Variants in CSMD1 observed in about 807,000 individuals in gnomAD.
The protein encoded by CSMD1 is CUB and Sushi multiple domains 1.
CSMD1 carries 213 observed loss-of-function variants against 417.5 expected under a neutral mutation model. The observed-to-expected ratio is 0.51, with a 90% CI of 0.46 to 0.57. The LOEUF is 0.57. CSMD1 is among the 20% of genes least tolerant of loss of function. The probability of loss-of-function intolerance (pLI) is 0.00; values close to 1 mark genes in which losing one functional copy is unlikely to be tolerated. For synonymous variants in CSMD1, 2,862 were observed against 1,736.8 expected, an observed-to-expected ratio of 1.65 and a Z score of -16.11; for missense variants, 6,923 against 4,529.7, an observed-to-expected ratio of 1.53 and a Z score of -15.17.
At chr8:3,541,879 TG>T in intron 10 of CSMD1, among the ~76,000 whole-genome samples, 1 of 152,162 alleles carries the variant, frequency 6.6e-6, no homozygotes, top group East Asian at 1.9e-4. Flanking sequence ...CTGGCCAAAA[TG>T]GCAAAACCCC....
At chr8:3,895,017 GC>G (rs1168404464) in intron 5 of CSMD1, among the ~76,000 whole-genome samples, 1 of 152,132 alleles carries the variant, frequency 6.6e-6, no homozygotes, top group Non-Finnish European at 1.5e-5. Flanking sequence ...CTTAGTGGAG[GC>G]CATTTGTGAG....
intron 23 of CSMD1, among the ~76,000 whole-genome samples, chr8:3,319,967 C>A (rs1027647533): frequency 6.6e-6 from 1 of 152,112 alleles, no homozygotes; most frequent in Non-Finnish European, 1.5e-5. Flanking sequence ...TCACCTTAGA[C>A]TTAAGTCTCT....
intron 2 of CSMD1, among the ~76,000 whole-genome samples, chr8:4,621,120 C>G (rs1161139476): frequency 6.6e-6 from 1 of 151,898 alleles, no homozygotes; most frequent in Non-Finnish European, 1.5e-5. Flanking sequence ...ATTCTTAGGA[C>G]CAGACGTATT....
At chr8:4,348,355 C>A (rs1765551819) in intron 3 of CSMD1, among the ~76,000 whole-genome samples, 1 of 151,994 alleles carries the variant, frequency 6.6e-6, no homozygotes, top group East Asian at 1.9e-4. Flanking sequence ...TGGAATCCAC[C>A]CAAGTGTACT....
At chr8:3,406,768 T>C (rs1485755004) in intron 14 of CSMD1, among the ~76,000 whole-genome samples, 1 of 152,228 alleles carries the variant, frequency 6.6e-6, no homozygotes, top group Non-Finnish European at 1.5e-5. Flanking sequence ...GTATTACTCA[T>C]ATTAATATTC....
intron 1 of CSMD1, among the ~76,000 whole-genome samples, chr8:4,785,223 A>C (rs1318040906): frequency 1.3e-5 from 2 of 152,146 alleles, no homozygotes; most frequent in Non-Finnish European, 2.9e-5. Context: ...GTACCAGCTC[A>C]TGCCTGTTAG....
chr8:4,907,759 T>C (rs552836834), intron 1 of CSMD1, among the ~76,000 whole-genome samples: 1 of 150,778 alleles, frequency 6.6e-6, no homozygotes, highest in South Asian at 2.1e-4. Flanking sequence ...AGAGATGGGG[T>C]CTTGCTTTGT....
chr8:3,862,570 G>C (rs1804790495), intron 5 of CSMD1, among the ~76,000 whole-genome samples: 1 of 152,056 alleles, frequency 6.6e-6, no homozygotes, highest in Non-Finnish European at 1.5e-5. Context: ...TGTAATTATG[G>C]TATATTTTAC....
intron 61 of CSMD1, among the ~76,000 whole-genome samples, chr8:2,961,967 C>T (rs967140269): frequency 1.3e-5 from 2 of 152,066 alleles, no homozygotes; most frequent in African/African-American, 4.8e-5. Context: ...TAGGTGGATA[C>T]TATTCAATTT....
intron 26 of CSMD1, among the ~76,000 whole-genome samples, chr8:3,231,158 T>C (rs1562117): frequency 0.078 from 11,860 of 152,242 alleles, 518 homozygotes; most frequent in African/African-American, 0.11. Context: ...TTTTCTCCAG[T>C]TTCTATAACT....
At chr8:3,312,762 C>A (rs148896778) in intron 23 of CSMD1, among the ~76,000 whole-genome samples, 219 of 152,046 alleles carry the variant, frequency 1.4e-3, no homozygotes, top group African/African-American at 5.1e-3. Context: ...TAAACTGTGC[C>A]CTTAGAGCCA....
At chr8:4,410,490 G>C (rs916089697) in intron 3 of CSMD1, among the ~76,000 whole-genome samples, 4 of 152,190 alleles carry the variant, frequency 2.6e-5, no homozygotes, top group Admixed American at 6.5e-5. Flanking sequence ...AAAGTCATCT[G>C]ATTTCTAGTT....
intron 1 of CSMD1, among the ~76,000 whole-genome samples, chr8:4,765,785 C>CA (rs572888801): frequency 2.4e-3 from 361 of 152,190 alleles, no homozygotes; most frequent in African/African-American, 8.3e-3. Flanking sequence ...TAGAGAGAGC[C>CA]TGGGGGTTGA....
At chr8:4,036,216 A>T (rs1210016256) in intron 3 of CSMD1, among the ~76,000 whole-genome samples, 1 of 152,188 alleles carries the variant, frequency 6.6e-6, no homozygotes, top group Non-Finnish European at 1.5e-5. Flanking sequence ...CTAAGGATGC[A>T]TTTCTCAGAA....
intron 12 of CSMD1, among the ~76,000 whole-genome samples, chr8:3,445,393 G>C (rs1021703339): frequency 6.6e-6 from 1 of 152,124 alleles, no homozygotes; most frequent in African/African-American, 2.4e-5. Context: ...ACACTCAAGA[G>C]GCAGATATGA....
chr8:3,362,605 T>C (rs1158015360), intron 20 of CSMD1, among the ~76,000 whole-genome samples: 1 of 152,198 alleles, frequency 6.6e-6, no homozygotes, highest in Admixed American at 6.5e-5. Context: ...TTTTCTTTAA[T>C]ATGATCCTGT....
chr8:4,307,320 T>C (rs978064054), intron 3 of CSMD1, among the ~76,000 whole-genome samples: 1 of 152,106 alleles, frequency 6.6e-6, no homozygotes, highest in Non-Finnish European at 1.5e-5. Context: ...GCATCACACA[T>C]GTCCACATTG....
At chr8:3,519,498 G>C (rs1290009579) in intron 10 of CSMD1, among the ~76,000 whole-genome samples, 2 of 152,238 alleles carry the variant, frequency 1.3e-5, no homozygotes, top group East Asian at 3.9e-4. Context: ...TCAAACTCCA[G>C]CCAGCTTGTC....
chr8:4,097,077 A>C (rs534560625), intron 3 of CSMD1, among the ~76,000 whole-genome samples: 1 of 152,286 alleles, frequency 6.6e-6, no homozygotes, highest in African/African-American at 2.4e-5. Context: ...CTCTTTAATT[A>C]TGTACTACAA....
Sources: allele counts gnomAD v4.1 joint callset (sites outside exome capture counted in the v4.1 genomes callset), GRCh38; gene constraint gnomAD v4.1.1; transcripts MANE v1.5; gene names NCBI Gene and HGNC (gene_info 2026-07-23, HGNC 2026-07-21).